NDC1: variants seen among roughly 807,000 people sequenced by gnomAD.
The protein encoded by NDC1 is NDC1 transmembrane nucleoporin.
A neutral mutation model predicts 89.8 loss-of-function variants in NDC1; 24 were observed. The ratio of observed to expected loss-of-function variants is 0.27; its 90% CI spans 0.19 to 0.38. NDC1 has a LOEUF of 0.38. Ranked by LOEUF, NDC1 falls within the 10% of genes least tolerant of loss-of-function variation. The pLI, the probability that NDC1 is intolerant of heterozygous loss-of-function variation, is 1.00. For synonymous variants in NDC1, 296 were observed against 284.8 expected (o/e 1.04, Z -0.39); for missense variants, 728 against 797.6 (o/e 0.91, Z 1.05).
intron 3 of NDC1, among the ~76,000 whole-genome samples, chr1:53,829,137 G>A (rs1022642799): frequency 5.3e-5 from 8 of 152,142 alleles, no homozygotes; most frequent in African/African-American, 1.7e-4. Flanking sequence ...TTTGGAAACA[G>A]CTAGCCTAGG....
chr1:53,825,728 T>C (rs2100688225), intron 5 of NDC1, 70 bp downstream of exon 5: 1 of 1,265,404 alleles, frequency 7.9e-7, no homozygotes, highest in Non-Finnish European at 1.1e-6. Context: ...AATCCAGTTA[T>C]ATACATATGC....
chr1:53,796,663 TA>T, intron 13 of NDC1, 25 bp downstream of exon 13: 2 of 1,423,052 alleles, frequency 1.4e-6, no homozygotes, highest in Non-Finnish European at 1.9e-6. Flanking sequence ...CATGCAAATA[TA>T]AATCCTATAA....
intron 6 of NDC1, among the ~76,000 whole-genome samples, chr1:53,818,378 T>C (rs1570222464): frequency 6.6e-6 from 1 of 151,714 alleles, no homozygotes; most frequent in Non-Finnish European, 1.5e-5. Context: ...GAGGCGGAGG[T>C]TGCAGTGAGC....
intron 16 of NDC1, among the ~76,000 whole-genome samples, chr1:53,781,965 C>A (rs1246187386): frequency 6.6e-6 from 1 of 152,156 alleles, no homozygotes; most frequent in Non-Finnish European, 1.5e-5. Flanking sequence ...TTGCCAGGTA[C>A]TATATCAGAT....
At chr1:53,801,089 C>CAAAAAAAAA (rs1285394411) in intron 10 of NDC1, among the ~76,000 whole-genome samples, 3 of 101,656 alleles carry the variant, frequency 3.0e-5, no homozygotes, top group Non-Finnish European at 6.3e-5. Context: ...ACACACATAC[C>CAAAAAAAAA]AAAAAAAAAA....
chr1:53,788,058 T>C (rs1013786985), intron 15 of NDC1, among the ~76,000 whole-genome samples: 5 of 151,952 alleles, frequency 3.3e-5, no homozygotes, highest in African/African-American at 1.2e-4. Context: ...TTGCACTTTT[T>C]TGAAGTAGAG....
At chr1:53,833,022 G>A (rs575093501) in intron 2 of NDC1, among the ~76,000 whole-genome samples, 3 of 151,886 alleles carry the variant, frequency 2.0e-5, no homozygotes, top group South Asian at 2.1e-4. Context: ...AAAAACAAAG[G>A]GGGGGAGAAA....
chr1:53,820,642 G>A (rs1419913283), intron 5 of NDC1, among the ~76,000 whole-genome samples: 2 of 140,820 alleles, frequency 1.4e-5, no homozygotes, highest in African/African-American at 2.6e-5. Flanking sequence ...TGGAAAACAA[G>A]ATAAATGATT....
chr1:53,806,631 C>T (rs1648119816), intron 8 of NDC1, 114 bp from the exon 9 acceptor site: 1 of 547,214 alleles, frequency 1.8e-6, no homozygotes, highest in Non-Finnish European at 2.8e-6. Context: ...ATCTTTCGTG[C>T]TCCTTGCAAA....
intron 6 of NDC1, among the ~76,000 whole-genome samples, chr1:53,814,736 T>C (rs1460871802): frequency 1.3e-5 from 2 of 151,346 alleles, no homozygotes; most frequent in African/African-American, 4.9e-5. Flanking sequence ...AGAGAGAAAA[T>C]CCAAATAACC....
At chr1:53,776,300 G>C (rs1475394809) in intron 16 of NDC1, among the ~76,000 whole-genome samples, 5 of 152,072 alleles carry the variant, frequency 3.3e-5, no homozygotes, top group African/African-American at 1.2e-4. Context: ...CATCATTAAA[G>C]TCTAGAGCTA....
rs1171687674 is a variant in NDC1 at position 53,828,192 on chromosome 1, A to C, written c.281-19T>G. ...GGCACAACTGCAAAGGAAACACATT[A>C]CTGTGGCTTTATAACCTACAGCATA... is the stretch of plus-strand genomic sequence containing the variant. On this transcript the variant is annotated intron_variant, in intron 3 of 17. Coordinates refer to ENST00000371429, the MANE Select transcript of NDC1 (RefSeq NM_018087.5). The C allele has an allele frequency of 2.5e-6, 4 of 1,611,726 alleles. No homozygotes were observed. Among genetic ancestry groups the C allele is most frequent in the Non-Finnish European group, 3.4e-6 (4 of 1,178,358 alleles).
intron 15 of NDC1, among the ~76,000 whole-genome samples, chr1:53,787,743 G>A (rs1314466159): frequency 6.6e-6 from 1 of 150,714 alleles, no homozygotes; most frequent in Non-Finnish European, 1.5e-5. Context: ...ATTGGAATAG[G>A]CACTGAAAAA....
At chr1:53,773,244 G>A (rs904229460) in intron 16 of NDC1, among the ~76,000 whole-genome samples, 2 of 152,088 alleles carry the variant, frequency 1.3e-5, no homozygotes, top group African/African-American at 4.8e-5. Flanking sequence ...AGATACAACA[G>A]TATAAGCGTA....
chr1:53,810,985 C>A (rs1017606750), intron 6 of NDC1, among the ~76,000 whole-genome samples: 4 of 152,224 alleles, frequency 2.6e-5, no homozygotes, highest in African/African-American at 9.6e-5. Flanking sequence ...GAAGACCCTC[C>A]TCTTCTGAAC....
intron 16 of NDC1, among the ~76,000 whole-genome samples, chr1:53,781,771 A>T (rs898842506): frequency 9.2e-5 from 14 of 152,216 alleles, no homozygotes; most frequent in Non-Finnish European, 1.6e-4. Context: ...TATAACAGGG[A>T]TCATATGAGT....
chr1:53,805,904 C>T (rs12723484), intron 9 of NDC1, among the ~76,000 whole-genome samples: 4 of 152,138 alleles, frequency 2.6e-5, no homozygotes, highest in African/African-American at 7.2e-5. Flanking sequence ...GAAACCCCGT[C>T]TCTACTAAAA....
chr1:53,789,180 A>G lies in NDC1; in HGVS notation c.1652T>C (p.Ile551Thr), dbSNP rs1215774042. 1 of 1,610,254 alleles carries G rather than the reference A, an allele frequency of 6.2e-7. No individual in the cohort carries two copies. Among genetic ancestry groups the G allele is most frequent in the Non-Finnish European group, 8.5e-7 (1 of 1,177,834 alleles). The change falls in exon 15 of 18, where the codon ATT becomes ACT. Residue 551 changes from isoleucine to threonine, a missense_variant. By Grantham distance (89) the Ile-to-Thr change is moderately conservative (BLOSUM62 -1). Transcript: ENST00000371429. ...YFFSKHPEAS[I>T]QAVFSDAQMH... ...TTGGGCATCTGAAAAAACAGCCTGA[A>G]TGGAGGCCTCTGGGTGCTACAAATA...
chr1:53,785,211 G>A (rs1342991453), intron 16 of NDC1, among the ~76,000 whole-genome samples: 1 of 152,164 alleles, frequency 6.6e-6, no homozygotes, highest in Non-Finnish European at 1.5e-5. Flanking sequence ...CATTACTCTA[G>A]ACTATAAACA....
Sources: gnomAD v4.1 joint callset for allele counts (sites outside exome capture counted in the v4.1 genomes callset) on GRCh38, gnomAD v4.1.1 for gene constraint, MANE v1.5 for transcripts, NCBI Gene and HGNC (gene_info 2026-07-23, HGNC 2026-07-21) for gene names.